GALNT18: variants seen among roughly 807,000 people sequenced by gnomAD.
GALNT18 encodes polypeptide N-acetylgalactosaminyltransferase 18.
Under a neutral mutation model 69.5 loss-of-function variants are expected in GALNT18, and 44 were observed. That is an observed-to-expected ratio of 0.63 (90% CI 0.50 to 0.81). The LOEUF (loss-of-function observed/expected upper bound fraction) is 0.81. Among genes scored for constraint, GALNT18 ranks in the 40% least tolerant of loss-of-function variants. The pLI, the probability that GALNT18 is intolerant of heterozygous loss-of-function variation, is 0.00. For synonymous variants in GALNT18, 364 were observed against 318.2 expected, an observed-to-expected ratio of 1.14 and a Z score of -1.53; for missense variants, 715 against 810.0, an observed-to-expected ratio of 0.88 and a Z score of 1.42.
intron 9 of GALNT18, among the ~76,000 whole-genome samples, chr11:11,297,084 C>A (rs1010221655): frequency 2.0e-4 from 30 of 152,084 alleles, no homozygotes; most frequent in Admixed American, 2.0e-3. Context: ...TCTGGAATGC[C>A]TGGAGACATT....
chr11:11,324,381 T>G (rs1003955835), intron 9 of GALNT18, among the ~76,000 whole-genome samples: 3 of 152,200 alleles, frequency 2.0e-5, no homozygotes, highest in Non-Finnish European at 2.9e-5. Flanking sequence ...TTCATGATAC[T>G]TCCAAACTGG....
chr11:11,272,582 T>A (rs1848850037), intron 10 of GALNT18, among the ~76,000 whole-genome samples: 1 of 152,248 alleles, frequency 6.6e-6, no homozygotes, highest in African/African-American at 2.4e-5. Flanking sequence ...TGTACTTTTC[T>A]GAACCCATTT....
intron 3 of GALNT18, among the ~76,000 whole-genome samples, chr11:11,385,728 G>T (rs1311537092): frequency 6.6e-6 from 1 of 152,006 alleles, no homozygotes; most frequent in Non-Finnish European, 1.5e-5. Flanking sequence ...GAGGAATTGG[G>T]GCATGAATAC....
chr11:11,458,026 G>A (rs557975211), intron 1 of GALNT18, among the ~76,000 whole-genome samples: 2 of 152,326 alleles, frequency 1.3e-5, no homozygotes, highest in East Asian at 3.9e-4. Context: ...CCCTGAGTCT[G>A]AAGTACACTT....
At chr11:11,418,647 T>C (rs1238736086) in intron 3 of GALNT18, among the ~76,000 whole-genome samples, 1 of 152,212 alleles carries the variant, frequency 6.6e-6, no homozygotes, top group Non-Finnish European at 1.5e-5. Context: ...TGTTATCATC[T>C]GCACTCGGCT....
At chr11:11,362,042 A>G (rs1850656025) in intron 6 of GALNT18, among the ~76,000 whole-genome samples, 1 of 152,210 alleles carries the variant, frequency 6.6e-6, no homozygotes, top group Non-Finnish European at 1.5e-5. Context: ...GTGGCAATTT[A>G]TTGTACAATA....
intron 9 of GALNT18, among the ~76,000 whole-genome samples, chr11:11,297,947 C>A (rs763651259): frequency 6.6e-6 from 1 of 152,240 alleles, no homozygotes; most frequent in Non-Finnish European, 1.5e-5. Context: ...CTGGATCTTA[C>A]GCTAGTGGCA....
Position 11,601,871 on chromosome 11 carries a change from C to T in GALNT18, c.235+19488G>A, listed in dbSNP as rs1048957711. ...GTTATTTGAGGACCTGCCTGATTTG[C>T]TTAAAGTCACAATTTCTAAGAACCT... On this transcript the variant is annotated intron_variant, in intron 1 of 10. Coordinates refer to ENST00000227756, the MANE Select transcript of GALNT18 (RefSeq NM_198516.3). The surrounding 1 kb of genome is among the most constrained non-coding windows in gnomAD (Gnocchi z 4.0). Among the ~76,000 whole-genome samples, 2 of 152,092 alleles carry T rather than the reference C, an allele frequency of 1.3e-5. No homozygotes were observed. The highest frequency in any genetic ancestry group is 2.9e-5 in the Non-Finnish European group (2 of 68,030).
chr11:11,294,104 G>C (rs1015852963), intron 9 of GALNT18, among the ~76,000 whole-genome samples: 3 of 152,028 alleles, frequency 2.0e-5, no homozygotes, highest in Admixed American at 6.5e-5. Flanking sequence ...TCACTGCTAT[G>C]ATTTATGACA....
chr11:11,411,042 G>A (rs1202053759), intron 3 of GALNT18, among the ~76,000 whole-genome samples: 1 of 152,232 alleles, frequency 6.6e-6, no homozygotes, highest in Non-Finnish European at 1.5e-5. Flanking sequence ...GCTGGGTGCA[G>A]TGGCTCATGC....
At chr11:11,492,167 C>T (rs1856784144) in intron 1 of GALNT18, among the ~76,000 whole-genome samples, 1 of 152,224 alleles carries the variant, frequency 6.6e-6, no homozygotes, top group Admixed American at 6.5e-5. Context: ...GTCACCCAGG[C>T]ATCCTGGTAT....
chr11:11,286,375 A>G (rs1377645004), intron 10 of GALNT18, among the ~76,000 whole-genome samples: 1 of 152,082 alleles, frequency 6.6e-6, no homozygotes, highest in Non-Finnish European at 1.5e-5. Flanking sequence ...GTGTCTGTGT[A>G]CCACAGGTGG....
intron 1 of GALNT18, among the ~76,000 whole-genome samples, chr11:11,492,766 G>T (rs549362314): frequency 6.6e-6 from 1 of 151,912 alleles, no homozygotes; most frequent in South Asian, 2.1e-4. Flanking sequence ...GGCAAGGGGA[G>T]GGAGAGTATT....
Position 11,469,448 on chromosome 11 carries a change from T to A in GALNT18, c.236-20512A>T, listed in dbSNP as rs1856226026. Among the ~76,000 whole-genome samples the A allele has an allele frequency of 6.6e-6, 1 of 152,214 alleles. No homozygotes were observed. Among genetic ancestry groups the A allele is most frequent in the Non-Finnish European group, 1.5e-5 (1 of 68,032 alleles). On this transcript the variant is annotated intron_variant, in intron 1 of 10. Transcript: ENST00000227756. This position sits in a 1 kb window ranked among gnomAD's most constrained non-coding sequence, Gnocchi z 4.2. ...GATCTCCATGGCAGAGACAGGCTGC[T>A]GCAGGGCTCAACAGAAGCCCCTGTC...
chr11:11,481,282 C>T (rs1590040824), intron 1 of GALNT18, among the ~76,000 whole-genome samples: 1 of 10,772 alleles, frequency 9.3e-5, no homozygotes, highest in East Asian at 0.05. Context: ...TCTACATGCC[C>T]TGTGCTCCTC....
At chr11:11,295,856 G>C (rs889009110) in intron 9 of GALNT18, among the ~76,000 whole-genome samples, 1 of 152,164 alleles carries the variant, frequency 6.6e-6, no homozygotes. Flanking sequence ...GTCCAGCTTT[G>C]ATGTGGAAAT....
chr11:11,508,571 C>T (rs9943596), intron 1 of GALNT18, among the ~76,000 whole-genome samples: 39,864 of 152,182 alleles, frequency 0.26, 5,993 homozygotes, highest in Non-Finnish European at 0.33. Flanking sequence ...ATATCTGCTT[C>T]CCCAAATTGT....
At position 11,444,927 on chromosome 11, in the gene GALNT18, T is replaced by A. The variant is rs1327722222; in HGVS notation, c.428+3817A>T. On this transcript the variant is annotated intron_variant, in intron 2 of 10. Coordinates refer to ENST00000227756, the MANE Select transcript of GALNT18 (RefSeq NM_198516.3). The surrounding 1 kb of genome is among the most constrained non-coding windows in gnomAD (Gnocchi z 4.4). ...TGAATCTTCCAGAGACTGCAGTGAC[T>A]GTGGGCTTCCTCTCCACATGCTGAC... is the stretch of plus-strand genomic sequence containing the variant. 6.6e-6 allele frequency among the ~76,000 whole-genome samples: 1 copy of A among 152,230 alleles called. No individual in the cohort carries two copies. The highest frequency in any genetic ancestry group is 2.4e-5 in the African/African-American group (1 of 41,466).
rs1304038084 is a variant in GALNT18 at position 11,584,675 on chromosome 11, A to G, written c.235+36684T>C. ...TTAGTCAGTGCTATCTTATAAGCAC[A>G]CATACACATAAAGCACTTCTGCTGC... On this transcript the variant is annotated intron_variant, in intron 1 of 10. Coordinates refer to ENST00000227756, the MANE Select transcript of GALNT18 (RefSeq NM_198516.3). This position sits in a 1 kb window ranked among gnomAD's most constrained non-coding sequence, Gnocchi z 4.1. 6.6e-6 allele frequency among the ~76,000 whole-genome samples: 1 copy of G among 152,250 alleles called. No individual in the cohort carries two copies. The highest frequency in any genetic ancestry group is 1.5e-5 in the Non-Finnish European group (1 of 68,042).
Sources: gnomAD v4.1 joint callset for allele counts (sites outside exome capture counted in the v4.1 genomes callset) on GRCh38, gnomAD v4.1.1 for gene constraint, Gnocchi (gnomAD v3.1) non-coding constraint, MANE v1.5 for transcripts, NCBI Gene and HGNC (gene_info 2026-07-23, HGNC 2026-07-21) for gene names.